SP140: variants seen among roughly 807,000 people sequenced by gnomAD.
The protein encoded by SP140 is nuclear body protein SP140.
SP140 carries 81 observed loss-of-function variants against 125.0 expected under a neutral mutation model. The ratio of observed to expected loss-of-function variants is 0.65; its 90% confidence interval spans 0.54 to 0.78. The LOEUF (loss-of-function observed/expected upper bound fraction) is 0.78, where lower values mean the gene tolerates loss of function less well. Ranked by LOEUF, SP140 falls within the 30% of genes least tolerant of loss-of-function variation. The pLI is 0.00. For synonymous variants in SP140, 312 were observed against 354.0 expected, an observed-to-expected ratio of 0.88 and a Z score of 1.33; for missense variants, 858 against 1,037.0, an observed-to-expected ratio of 0.83 and a Z score of 2.37.
intron 1 of SP140, among the ~76,000 whole-genome samples, chr2:230,226,762 C>CAAAAAAAAAAAAAAAAAAAAAAAAAA (rs11323886): frequency 4.2e-5 from 4 of 94,248 alleles, no homozygotes; most frequent in Non-Finnish European, 6.4e-5. Flanking sequence ...AATTCCATCT[C>CAAAAAAAAAAAAAAAAAAAAAAAAAA]AAAAAAAAAA....
intron 15 of SP140, among the ~76,000 whole-genome samples, chr2:230,280,224 T>C (rs1263739110): frequency 6.6e-6 from 1 of 152,062 alleles, no homozygotes; most frequent in African/African-American, 2.4e-5. Flanking sequence ...ATTTGTAACT[T>C]TTTAATGGAT....
intron 12 of SP140, among the ~76,000 whole-genome samples, chr2:230,268,645 T>C (rs1396142536): frequency 2.0e-5 from 3 of 152,010 alleles, no homozygotes; most frequent in Admixed American, 6.5e-5. Context: ...CAACTGAAAA[T>C]ATCTAATTGT....
At chr2:230,290,396 C>A in intron 18 of SP140, 64 bp from the exon 19 acceptor site, 1 of 1,424,750 alleles carries the variant, frequency 7.0e-7, no homozygotes, top group Non-Finnish European at 9.9e-7. Flanking sequence ...TAGGAATTAC[C>A]TCAGTAGGGA....
rs1035053156 is a variant in SP140 at position 230,245,722 on chromosome 2, G to A, written c.665-141G>A. The A allele has an allele frequency of 1.5e-5, 9 of 614,316 alleles. No individual in the cohort carries two copies. In the Admixed American group the frequency reaches 2.0e-4, roughly 14 times the overall value. The allele number at this position is 614,316 out of a possible 1,614,324, so 38.1% of individuals were successfully genotyped here. A position where few individuals can be genotyped will look rare whatever the true frequency, so the allele number is the denominator to read the frequency against. ...GGGGCCTGACAAGGTGCTAGAAGAA[G>A]TAGAGCCACTTTTGTTTGGTGCAAA... is the stretch of plus-strand genomic sequence containing the variant. On this transcript the variant is annotated intron_variant, in intron 6 of 26. Coordinates refer to ENST00000392045, the MANE Select transcript of SP140 (RefSeq NM_007237.5).
chr2:230,201,687 T>C (rs1446362427), upstream of SP140, among the ~76,000 whole-genome samples: 2 of 152,246 alleles, frequency 1.3e-5, no homozygotes, highest in Non-Finnish European at 2.9e-5. Flanking sequence ...GTGATTGAGA[T>C]ACAAGCTCAC....
At chr2:230,300,985 A>C (rs539865991) in intron 22 of SP140, among the ~76,000 whole-genome samples, 137 of 152,372 alleles carry the variant, frequency 9.0e-4, no homozygotes, top group Non-Finnish European at 1.5e-3. Flanking sequence ...AGTGAAAGAC[A>C]TACTTAGAGA....
Position 230,271,808 on chromosome 2 carries a change from G to A in SP140, c.1498+1169G>A, listed in dbSNP as rs555626276. On this transcript the variant is annotated intron_variant, in intron 15 of 26. Transcript: ENST00000392045. ...AATGAGGAGATTCACTGTCAGGGAC[G>A]TGTGCTTGGTAGAAACAACAAAGAC... 5.3e-5 allele frequency among the ~76,000 whole-genome samples: 8 copies of A among 152,290 alleles called. No homozygotes were observed. In the East Asian group the frequency reaches 5.8e-4, roughly 11 times the overall value.
chr2:230,283,670 G>A (rs891144579), intron 15 of SP140, among the ~76,000 whole-genome samples: 2 of 152,286 alleles, frequency 1.3e-5, no homozygotes, highest in East Asian at 3.9e-4. Context: ...CGGACAGGAG[G>A]AGATGAGGGA....
upstream of SP140, among the ~76,000 whole-genome samples, chr2:230,201,752 A>G (rs767847401): frequency 4.6e-5 from 7 of 152,354 alleles, no homozygotes; most frequent in Non-Finnish European, 8.8e-5. Flanking sequence ...AAAATCTTGC[A>G]TTAGTAGAAG....
the SP140 span, among the ~76,000 whole-genome samples, chr2:230,196,993 C>T: frequency 6.6e-6 from 1 of 152,282 alleles, no homozygotes; most frequent in African/African-American, 2.4e-5. Flanking sequence ...AATAGTGCCA[C>T]AATAAACATA....
intron 5 of SP140, 134 bp from the exon 6 acceptor site, chr2:230,244,854 G>C: frequency 1.7e-6 from 1 of 589,944 alleles, no homozygotes; most frequent in Non-Finnish European, 3.1e-6. Context: ...CAAGGCTGTG[G>C]CGGGGCTCAG....
chr2:230,310,513 T>G, intron 23 of SP140: 1 of 950,286 alleles, frequency 1.1e-6, no homozygotes, highest in Non-Finnish European at 1.6e-6. Context: ...GAGTCCACAC[T>G]CACGGTGACA....
rs150197901 is a variant in SP140 at position 230,252,080 on chromosome 2, T to A, written c.1057+1019T>A. On this transcript the variant is annotated intron_variant, in intron 10 of 26. Transcript: ENST00000392045. ...TGGGTTTAATGGAAAGAGACTTTTA[T>A]TAACAAGTAAAGCAAGCTTAAGGAG... Among the ~76,000 whole-genome samples the A allele has an allele frequency of 9.7e-3, 1,469 of 152,068 alleles. 21 individuals carry two copies. Among genetic ancestry groups the A allele is most frequent in the African/African-American group, 0.033 (1,378 of 41,440 alleles).
intron 3 of SP140, chr2:230,220,060 A>G: frequency 1.0e-5 from 10 of 985,582 alleles, no homozygotes; most frequent in Non-Finnish European, 1.2e-5. Context: ...CCAAGCCGGA[A>G]GCTGAAGGCA....
At chr2:230,202,870 C>T (rs2043320123), upstream of SP140, 4 of 786,256 alleles carry the variant, frequency 5.1e-6, no homozygotes, top group Non-Finnish European at 8.9e-6. Flanking sequence ...CTTTTCTCCT[C>T]CTACTTCTCT....
intron 14 of SP140, among the ~76,000 whole-genome samples, 163 bp downstream of exon 14, chr2:230,270,116 T>C (rs1174788331): frequency 6.6e-6 from 1 of 152,140 alleles, no homozygotes; most frequent in Non-Finnish European, 1.5e-5. Context: ...CGTTATAAAG[T>C]ACTATTTAAG....
At chr2:230,192,171 C>A in the SP140 span, among the ~76,000 whole-genome samples, 1 of 152,106 alleles carries the variant, frequency 6.6e-6, no homozygotes, top group Non-Finnish European at 1.5e-5. Flanking sequence ...AACCCACAGC[C>A]AATATCATAT....
Position 230,215,943 on chromosome 2 carries a change from G to T in SP140, c.-91+1869G>T, listed in dbSNP as rs1332389020. On this transcript the variant is annotated intron_variant, in intron 3 of 4. Coordinates refer to the SP140 transcript ENST00000456542. ...GTCTCTGAGGAGTGCTCTCTGGGCT[G>T]TGATCTGAAGAGGGAGTTGGGGCCA... Among the ~76,000 whole-genome samples, 4 of 152,216 alleles carry T rather than the reference G, an allele frequency of 2.6e-5. No homozygotes were observed. The East Asian group carries it at 7.7e-4, about 29-fold the overall frequency.
At chr2:230,302,310 C>T (rs556919729) in intron 22 of SP140, among the ~76,000 whole-genome samples, 15 of 152,260 alleles carry the variant, frequency 9.9e-5, no homozygotes, top group African/African-American at 3.4e-4. Context: ...AGGAGAATGG[C>T]ATGAACCCAG....
Sources: gnomAD v4.1 joint callset for allele counts (sites outside exome capture counted in the v4.1 genomes callset) on GRCh38, gnomAD v4.1.1 for gene constraint, MANE v1.5 for transcripts, NCBI Gene and HGNC (gene_info 2026-07-23, HGNC 2026-07-21) for gene names.